The following CNTLN variants were observed in gnomAD, a reference collection of about 807,000 sequenced individuals.
The protein encoded by CNTLN is centlein, centrosomal protein.
A neutral mutation model predicts 180.0 loss-of-function variants in CNTLN; 212 were observed. The observed-to-expected ratio is 1.18, with a 90% CI of 1.05 to 1.32. The LOEUF is 1.32. Among genes scored for constraint, CNTLN ranks in the 40% most tolerant of loss-of-function variants. CNTLN has a pLI of 0.00. For missense variants in CNTLN, 2,095 were observed against 1,610.9 expected (o/e 1.30, Z -5.14); for synonymous variants, 722 against 563.1 (o/e 1.28, Z -3.99).
intron 18 of CNTLN, among the ~76,000 whole-genome samples, chr9:17,418,421 C>G (rs11999326): frequency 0.019 from 2,866 of 152,016 alleles, 91 homozygotes; most frequent in African/African-American, 0.065. Flanking sequence ...TATAGTCTTT[C>G]TGGGCTCTAA....
chr9:17,507,277 C>G (rs896206240), downstream of CNTLN, among the ~76,000 whole-genome samples: 2 of 152,124 alleles, frequency 1.3e-5, no homozygotes, highest in African/African-American at 2.4e-5. Context: ...TTGCTTAGGT[C>G]AATGACTTCT....
intron 25 of CNTLN, among the ~76,000 whole-genome samples, chr9:17,496,251 T>C (rs904659587): frequency 1.3e-5 from 2 of 152,142 alleles, no homozygotes; most frequent in African/African-American, 4.8e-5. Flanking sequence ...TATTAAGTGT[T>C]CTCTTAGTCA....
At chr9:17,264,919 A>G (rs1827293914) in intron 5 of CNTLN, among the ~76,000 whole-genome samples, 1 of 149,782 alleles carries the variant, frequency 6.7e-6, no homozygotes, top group Non-Finnish European at 1.5e-5. Flanking sequence ...GAAGTTGCTC[A>G]TCAGCTTAAG....
chr9:17,268,577 G>A (rs1318235276), intron 5 of CNTLN, among the ~76,000 whole-genome samples: 1 of 152,150 alleles, frequency 6.6e-6, no homozygotes, highest in Non-Finnish European at 1.5e-5. Flanking sequence ...TGTCAGACAG[G>A]GACATTTATG....
At chr9:17,234,967 G>A (rs995111303) in intron 3 of CNTLN, among the ~76,000 whole-genome samples, 2 of 152,122 alleles carry the variant, frequency 1.3e-5, no homozygotes, top group Non-Finnish European at 2.9e-5. Flanking sequence ...GGGAAGGTGA[G>A]GGCTGGATTA....
Position 17,310,173 on chromosome 9 carries a change from A to G in CNTLN, c.1341+921A>G, listed in dbSNP as rs531639765. 3.3e-5 allele frequency among the ~76,000 whole-genome samples: 5 copies of G among 152,300 alleles called. No individual in the cohort carries two copies. The South Asian group carries it at 8.3e-4, about 25-fold the overall frequency. On this transcript the variant is annotated intron_variant, in intron 8 of 25. Transcript: ENST00000380647. ...AACCAACTTATCCAAAGACTAGATC[A>G]TTACAAATGGCTTACATCCACTTGT... is the stretch of plus-strand genomic sequence containing the variant.
At chr9:17,301,592 T>A (rs1279274106) in intron 7 of CNTLN, 1 of 984,570 alleles carries the variant, frequency 1.0e-6, no homozygotes, top group Non-Finnish European at 1.2e-6. Flanking sequence ...AAGTTGATTC[T>A]CACTTTGAAA....
chr9:17,321,001 A>T (rs1303531838), intron 8 of CNTLN, among the ~76,000 whole-genome samples: 1 of 152,192 alleles, frequency 6.6e-6, no homozygotes, highest in Non-Finnish European at 1.5e-5. Flanking sequence ...GCAATTATTT[A>T]TTATAATTTA....
chr9:17,375,363 A>G (rs1463396820), intron 13 of CNTLN, among the ~76,000 whole-genome samples: 5 of 152,202 alleles, frequency 3.3e-5, no homozygotes, highest in African/African-American at 1.2e-4. Context: ...CTAGCATGAC[A>G]GGGTGACTAT....
rs112992255 is a variant in CNTLN, at chr9:17,163,930, G to A, written c.449+20554G>A. On this transcript the variant is annotated intron_variant, in intron 2 of 25. Transcript: ENST00000380647. The stretch of plus-strand genomic sequence containing the variant: ...GCTACTTGGGAGGCTGAGGTGGGAG[G>A]ATAGCTTGAGCCCAGGAAGTGTAGG... 1.5e-3 allele frequency among the ~76,000 whole-genome samples: 232 copies of A among 151,776 alleles called. 2 individuals are homozygous for A. The highest frequency in any genetic ancestry group is 5.4e-3 in the African/African-American group (224 of 41,372).
At chr9:17,523,008 A>G in the CNTLN span, among the ~76,000 whole-genome samples, 1 of 152,178 alleles carries the variant, frequency 6.6e-6, no homozygotes, top group African/African-American at 2.4e-5. Context: ...ATCACTGAGT[A>G]AAAGGTACGA....
intron 25 of CNTLN, 31 bp downstream of exon 25, chr9:17,487,097 C>G: frequency 7.0e-7 from 1 of 1,422,916 alleles, no homozygotes; most frequent in Non-Finnish European, 9.9e-7. Context: ...ATATATTAAG[C>G]TTCCAAATAA....
At chr9:17,459,923 A>C (rs1004532102) in intron 19 of CNTLN, among the ~76,000 whole-genome samples, 2 of 151,864 alleles carry the variant, frequency 1.3e-5, no homozygotes, top group Non-Finnish European at 1.5e-5. Flanking sequence ...TCTACATACT[A>C]ATTTGTTTAG....
chr9:17,463,282 A>T (rs550646529), intron 20 of CNTLN, among the ~76,000 whole-genome samples: 1 of 151,754 alleles, frequency 6.6e-6, no homozygotes, highest in African/African-American at 2.4e-5. Context: ...CTTCGAGACA[A>T]TGAATGAAAA....
intron 2 of CNTLN, among the ~76,000 whole-genome samples, chr9:17,180,573 A>G (rs1042456184): frequency 6.6e-6 from 1 of 151,886 alleles, no homozygotes; most frequent in African/African-American, 2.4e-5. Context: ...CCTAATTTAG[A>G]AAACTGAAGA....
intron 2 of CNTLN, among the ~76,000 whole-genome samples, chr9:17,179,265 A>G (rs1820969325): frequency 7.1e-6 from 1 of 141,422 alleles, no homozygotes; most frequent in African/African-American, 2.8e-5. Flanking sequence ...AAAAAAAAAG[A>G]AGAAGTGTAG....
At chr9:17,303,632 C>T (rs1332645841) in intron 7 of CNTLN, among the ~76,000 whole-genome samples, 1 of 151,870 alleles carries the variant, frequency 6.6e-6, no homozygotes, top group Non-Finnish European at 1.5e-5. Context: ...CCTTATTTGT[C>T]AGGTGTGTTA....
intron 2 of CNTLN, among the ~76,000 whole-genome samples, chr9:17,159,611 G>C (rs1819538201): frequency 6.6e-6 from 1 of 152,186 alleles, no homozygotes; most frequent in African/African-American, 2.4e-5. Context: ...GCAGCAGTTA[G>C]CTGGGGACAG....
intron 2 of CNTLN, among the ~76,000 whole-genome samples, chr9:17,196,730 GGGTA>G (rs1587099286): frequency 6.6e-6 from 1 of 151,148 alleles, no homozygotes; most frequent in East Asian, 1.9e-4. Context: ...TAATTTATGT[GGGTA>G]CATAGTAGGT....
Sources: gnomAD v4.1 joint callset for allele counts (sites outside exome capture counted in the v4.1 genomes callset) on GRCh38, gnomAD v4.1.1 for gene constraint, MANE v1.5 for transcripts, NCBI Gene and HGNC (gene_info 2026-07-23, HGNC 2026-07-21) for gene names.